Variants in ABCA9 observed in about 807,000 individuals in gnomAD.
The protein encoded by ABCA9 is ATP binding cassette subfamily A member 9.
Under a neutral mutation model 205.3 loss-of-function variants are expected in ABCA9, and 183 were observed. That is an observed-to-expected ratio of 0.89 (90% confidence interval 0.79 to 1.01). The LOEUF is 1.01. Among genes scored for constraint, ABCA9 ranks in the 50% least tolerant of loss-of-function variants. The pLI is 0.00. For synonymous variants in ABCA9, 651 were observed against 683.3 expected (o/e 0.95, Z 0.74); for missense variants, 1,805 against 1,912.4 (o/e 0.94, Z 1.05).
chr17:69,041,407 C>T (rs2071531318), intron 6 of ABCA9, among the ~76,000 whole-genome samples: 1 of 152,004 alleles, frequency 6.6e-6, no homozygotes, highest in Non-Finnish European at 1.5e-5. Flanking sequence ...CTTTGTATAT[C>T]ATTTTTTAAA....
chr17:68,997,338 A>G lies in ABCA9; in HGVS notation c.3436-1324T>C, dbSNP rs144583358. 5.6e-3 allele frequency among the ~76,000 whole-genome samples: 845 copies of G among 152,236 alleles called. 4 individuals are homozygous for G. The highest frequency in any genetic ancestry group is 9.8e-3 in the Non-Finnish European group (666 of 67,984). Reference sequence around the variant, plus strand: ...TCAATGGGTTTTCAAAGCTTTTTAAAGTTTTATTATTAAATTTATGCTTGC... The same window carrying G: ...TCAATGGGTTTTCAAAGCTTTTTAAGGTTTTATTATTAAATTTATGCTTGC... On this transcript the variant is annotated intron_variant, in intron 25 of 38. Transcript: ENST00000340001.
rs749771278 is a variant in ABCA9 at position 69,017,836 on chromosome 17, TAGTC to T, written c.2768-51_2768-48del. The T allele has an allele frequency of 3.2e-6, 5 of 1,578,698 alleles. No homozygotes were observed. In the South Asian group the frequency reaches 5.6e-5, roughly 18 times the overall value. On this transcript the variant is annotated intron_variant, in intron 20 of 38. Coordinates refer to ENST00000340001, the MANE Select transcript of ABCA9 (RefSeq NM_080283.4). ...AGGAAGCAAAAATGAAATAAAACAA[TAGTC>T]AAGTAATATTAAAAATACATTACAT...
At chr17:68,982,531 CAG>C in intron 37 of ABCA9, 29 bp downstream of exon 37, 1 of 1,550,214 alleles carries the variant, frequency 6.5e-7, no homozygotes, top group Non-Finnish European at 8.9e-7. Flanking sequence ...ATCTGTTTCC[CAG>C]AGTTTTGTCT....
chr17:69,031,054 T>C (rs2071134835), intron 10 of ABCA9, among the ~76,000 whole-genome samples: 1 of 152,112 alleles, frequency 6.6e-6, no homozygotes, highest in Non-Finnish European at 1.5e-5. Flanking sequence ...TCCTACACTT[T>C]CCTAACAGTC....
chr17:69,035,584 C>G lies in ABCA9; in HGVS notation c.942+76G>C. 3 of 1,555,986 alleles carry G rather than the reference C, an allele frequency of 1.9e-6. No homozygotes were observed. The South Asian group carries it at 3.6e-5, about 19-fold the overall frequency. On this transcript the variant is annotated intron_variant, in intron 7 of 38. Transcript: ENST00000340001. ...ACAAAGAGAACAAAAGAGGTGAGACCAGAATTAGTGATAAATTATTGGCAG... is the reference window on the plus strand; with the variant it reads ...ACAAAGAGAACAAAAGAGGTGAGACGAGAATTAGTGATAAATTATTGGCAG...
intron 6 of ABCA9, among the ~76,000 whole-genome samples, chr17:69,036,119 T>C (rs948466109): frequency 6.6e-6 from 1 of 152,112 alleles, no homozygotes; most frequent in Non-Finnish European, 1.5e-5. Flanking sequence ...TGGACAAGTT[T>C]TTCAGTAAGG....
chr17:68,999,362 T>A (rs970516803), intron 25 of ABCA9, among the ~76,000 whole-genome samples: 1 of 138,684 alleles, frequency 7.2e-6, no homozygotes, highest in Non-Finnish European at 1.5e-5. Flanking sequence ...CACCTATGAG[T>A]GAGAATATGC....
chr17:69,027,536 T>C (rs967978717), intron 13 of ABCA9, 87 bp from the exon 14 acceptor site: 10 of 1,561,402 alleles, frequency 6.4e-6, no homozygotes, highest in Admixed American at 4.1e-5. Context: ...AAAGGGCCTT[T>C]TTGCCTGAAA....
At chr17:69,057,183 A>G (rs2072093636) in intron 1 of ABCA9, among the ~76,000 whole-genome samples, 1 of 152,168 alleles carries the variant, frequency 6.6e-6, no homozygotes, top group Non-Finnish European at 1.5e-5. Flanking sequence ...TGGGAGGTGG[A>G]GTTAGGGAGA....
rs1158415067 is a variant in ABCA9 at position 69,046,910 on chromosome 17, TATAA to T, written c.305-1578_305-1575del. On this transcript the variant is annotated intron_variant, in intron 3 of 38. Coordinates refer to ENST00000340001, the MANE Select transcript of ABCA9 (RefSeq NM_080283.4). ...ATATATATATATATATATATATATA[TATAA>T]AATTTTATATATATAGAAAATTTTA... is the stretch of plus-strand genomic sequence containing the variant. Among the ~76,000 whole-genome samples the T allele has an allele frequency of 7.2e-5, 9 of 125,772 alleles. No individual in the cohort carries two copies. The East Asian group carries it at 1.2e-3, about 17-fold the overall frequency. 82.5% of individuals were successfully genotyped at this position (125,772 alleles called of 152,430 possible).
chr17:69,012,040 A>G lies in ABCA9; in HGVS notation c.3083T>C (p.Phe1028Ser). The change falls in exon 23 of 39, where the codon TTC (phenylalanine) becomes TCC (serine). Residue 1028 changes from phenylalanine to serine, a missense_variant. Phe to Ser is a radical substitution (Grantham distance 155). Coordinates refer to ENST00000340001, the MANE Select transcript of ABCA9 (RefSeq NM_080283.4). ...YEYGYRSNTF[F>S]WIPMAASFTP... is the part of the protein sequence containing the mutation. ...GAAAGAGGCTGCCATCGGTATCCAGAAGAAGGTGTTACTTCGGTACCCATA... is the reference window on the plus strand; with the variant it reads ...GAAAGAGGCTGCCATCGGTATCCAGGAGAAGGTGTTACTTCGGTACCCATA... 2 of 1,613,334 alleles carry G rather than the reference A, an allele frequency of 1.2e-6. No individual in the cohort carries two copies. The highest frequency in any genetic ancestry group is 2.7e-5 in the African/African-American group (2 of 74,988).
At position 68,990,943 on chromosome 17, in the gene ABCA9, C is replaced by A; in HGVS notation, c.3731G>T (p.Ser1244Ile). ...KDPVFRISPR[S>I]NAIFPNPEEP... ...TTCTGGGTTTGGAAAAATAGCGTTGCTTCTTGGAGAAATTCTGAAATCAAA... is the reference window on the plus strand; with the variant it reads ...TTCTGGGTTTGGAAAAATAGCGTTGATTCTTGGAGAAATTCTGAAATCAAA... Residue 1244 changes from serine to isoleucine, a missense_variant, in exon 29 of 39, where the codon AGC (serine) becomes ATC (isoleucine). Coordinates refer to ENST00000340001, the MANE Select transcript of ABCA9 (RefSeq NM_080283.4). The A allele has an allele frequency of 1.2e-6, 2 of 1,609,388 alleles. No individual in the cohort carries two copies. Among genetic ancestry groups the A allele is most frequent in the South Asian group, 2.2e-5 (2 of 90,150 alleles).
At chr17:68,998,892 T>C (rs1295542764) in intron 25 of ABCA9, among the ~76,000 whole-genome samples, 1 of 151,920 alleles carries the variant, frequency 6.6e-6, no homozygotes, top group Non-Finnish European at 1.5e-5. Context: ...TCTTATTAAA[T>C]GTGTATTCTT....
rs1322595138 is a variant in ABCA9 at position 68,974,870 on chromosome 17, A to T, written c.*1045T>A. On this transcript the variant is annotated 3_prime_UTR_variant, in exon 39 of 39. Transcript: ENST00000340001. The stretch of plus-strand genomic sequence containing the variant: ...CTGAAATTATTTATTTATTTTTATT[A>T]TACTTTAAGTTCTGGGATACATGTG... The T allele has an allele frequency of 6.6e-6, 1 of 152,196 alleles. No individual in the cohort carries two copies. Among genetic ancestry groups the T allele is most frequent in the Non-Finnish European group, 1.5e-5 (1 of 68,030 alleles). 9.4% of individuals were successfully genotyped at this position (152,196 alleles called of 1,614,324 possible).
upstream of ABCA9, among the ~76,000 whole-genome samples, chr17:69,063,329 T>C (rs1382873939): frequency 6.6e-6 from 1 of 152,188 alleles, no homozygotes; most frequent in Non-Finnish European, 1.5e-5. Flanking sequence ...AACATTCTTC[T>C]TGGAATCTTT....
At chr17:69,056,586 A>AGG (rs1411525551) in intron 1 of ABCA9, among the ~76,000 whole-genome samples, 2 of 152,200 alleles carry the variant, frequency 1.3e-5, no homozygotes, top group Non-Finnish European at 2.9e-5. Context: ...AAATTCTATC[A>AGG]GACTGTTAAG....
intron 3 of ABCA9, among the ~76,000 whole-genome samples, chr17:69,046,609 T>C (rs2144481294): frequency 6.6e-6 from 1 of 151,916 alleles, no homozygotes; most frequent in East Asian, 1.9e-4. Context: ...TATTATCTAT[T>C]TGGTTGTGCA....
chr17:69,037,828 A>G (rs1293553427), intron 6 of ABCA9, among the ~76,000 whole-genome samples: 1 of 152,178 alleles, frequency 6.6e-6, no homozygotes, highest in Non-Finnish European at 1.5e-5. Context: ...TAGTCAGACT[A>G]ATAAAGAAGA....
At chr17:69,029,007 A>T (rs1461096747) in intron 11 of ABCA9, among the ~76,000 whole-genome samples, 162 bp downstream of exon 11, 1 of 150,878 alleles carries the variant, frequency 6.6e-6, no homozygotes, top group Non-Finnish European at 1.5e-5. Context: ...ACTTTTAAAA[A>T]TTGTTTTATG....
Sources: allele counts gnomAD v4.1 joint callset (sites outside exome capture counted in the v4.1 genomes callset), GRCh38; gene constraint gnomAD v4.1.1; transcripts MANE v1.5; gene names NCBI Gene and HGNC (gene_info 2026-07-23, HGNC 2026-07-21).